Variants in TRAM2 observed in about 807,000 individuals in gnomAD.
TRAM2 encodes translocating chain-associated membrane protein 2.
TRAM2 carries 12 observed loss-of-function variants against 51.0 expected under a neutral mutation model. That is an observed-to-expected ratio of 0.24 (90% confidence interval 0.15 to 0.38). The LOEUF is 0.38. TRAM2 is among the 10% of genes least tolerant of loss of function. The pLI is 1.00. For synonymous variants in TRAM2, 175 were observed against 179.4 expected (o/e 0.98, Z 0.20); for missense variants, 361 against 462.0 (o/e 0.78, Z 2.00).
chr6:52,516,163 T>C (rs1346793362), intron 3 of TRAM2, 41 bp from the exon 4 acceptor site: 1 of 1,567,364 alleles, frequency 6.4e-7, no homozygotes, highest in Non-Finnish European at 8.8e-7. Context: ...TATACAAATG[T>C]ATCCATATTG....
intron 2 of TRAM2, among the ~76,000 whole-genome samples, chr6:52,526,373 G>T (rs1766782345): frequency 6.6e-6 from 1 of 152,156 alleles, no homozygotes; most frequent in South Asian, 2.1e-4. Flanking sequence ...GGGCTGAAGA[G>T]AAGTTGATAA....
At chr6:52,513,244 A>G (rs148407859) in intron 4 of TRAM2, among the ~76,000 whole-genome samples, 129 of 152,326 alleles carry the variant, frequency 8.5e-4, no homozygotes, top group Middle Eastern at 3.4e-3. Context: ...ACTTCTCTAT[A>G]TTGTTCACTT....
chr6:52,504,371 C>A (rs558627441), intron 10 of TRAM2, among the ~76,000 whole-genome samples: 10 of 152,184 alleles, frequency 6.6e-5, no homozygotes, highest in African/African-American at 2.4e-4. Flanking sequence ...GGGCTCCCAG[C>A]CTAGTTAGGG....
chr6:52,513,071 T>C (rs1016004276), intron 4 of TRAM2, among the ~76,000 whole-genome samples: 4 of 152,136 alleles, frequency 2.6e-5, no homozygotes, highest in African/African-American at 9.7e-5. Flanking sequence ...CAATGAGTAG[T>C]CGATCAAAGG....
intron 1 of TRAM2, among the ~76,000 whole-genome samples, chr6:52,571,072 C>T (rs573179665): frequency 2.0e-5 from 3 of 152,040 alleles, no homozygotes; most frequent in Non-Finnish European, 4.4e-5. Flanking sequence ...TACTGTTTCC[C>T]CCCCACCCCT....
intron 1 of TRAM2, among the ~76,000 whole-genome samples, chr6:52,557,011 T>C (rs375103968): frequency 6.6e-6 from 1 of 151,124 alleles, no homozygotes; most frequent in Non-Finnish European, 1.5e-5. Flanking sequence ...CTGGCCAACA[T>C]GGCAAAACCC....
At chr6:52,522,104 C>T (rs1468799721) in intron 2 of TRAM2, among the ~76,000 whole-genome samples, 1 of 152,260 alleles carries the variant, frequency 6.6e-6, no homozygotes, top group Non-Finnish European at 1.5e-5. Flanking sequence ...TTTCTTTAAA[C>T]ATATCACCCT....
chr6:52,567,975 G>A (rs2143830), intron 1 of TRAM2, among the ~76,000 whole-genome samples: 89,885 of 152,024 alleles, frequency 0.59, 27,305 homozygotes, highest in East Asian at 0.87. Context: ...TTTCTGACTC[G>A]CAATTTGAGT....
chr6:52,515,019 G>C (rs1328630021), intron 4 of TRAM2, among the ~76,000 whole-genome samples: 1 of 152,170 alleles, frequency 6.6e-6, no homozygotes, highest in Non-Finnish European at 1.5e-5. Context: ...TAAAAACAAT[G>C]TACAAAAGGA....
chr6:52,548,657 C>A (rs1767252371), intron 1 of TRAM2, among the ~76,000 whole-genome samples: 1 of 152,230 alleles, frequency 6.6e-6, no homozygotes, highest in Admixed American at 6.5e-5. Context: ...GGACTAGAAT[C>A]CAAGATCCAT....
chr6:52,533,092 G>C (rs545618107), intron 2 of TRAM2, among the ~76,000 whole-genome samples: 3 of 151,300 alleles, frequency 2.0e-5, no homozygotes, highest in African/African-American at 7.3e-5. Context: ...TTGGGGGCTA[G>C]AGGGGGTGGG....
chr6:52,546,093 A>G (rs1429074205), intron 1 of TRAM2, among the ~76,000 whole-genome samples: 3 of 152,166 alleles, frequency 2.0e-5, no homozygotes, highest in Non-Finnish European at 2.9e-5. Flanking sequence ...ACCCCAGGGA[A>G]AACTTCACCA....
rs186249318 is a variant in TRAM2, at chr6:52,565,072, C to T, written c.120+11724G>A. On this transcript the variant is annotated intron_variant, in intron 1 of 10. Transcript: ENST00000182527. ...ACGAGGCCTGAGGGAGGTGCAGAGT[C>T]CAGGACAAAGGCTGATCAGATTGTG... Among the ~76,000 whole-genome samples, 29 of 152,174 alleles carry T rather than the reference C, an allele frequency of 1.9e-4. No homozygotes were observed. In the East Asian group the frequency reaches 5.6e-3, roughly 29 times the overall value.
At position 52,511,057 on chromosome 6, in the gene TRAM2, T is replaced by C. The variant is rs1344028080; in HGVS notation, c.412-1471A>G. ...GATTAGGATGACTTCATTTTAGAAA[T>C]GGGAAAATGAAAAAACAGATAGGAA... On this transcript the variant is annotated intron_variant, in intron 4 of 10. Coordinates refer to ENST00000182527, the MANE Select transcript of TRAM2 (RefSeq NM_012288.4). Among the ~76,000 whole-genome samples, 3 of 152,182 alleles carry C rather than the reference T, an allele frequency of 2.0e-5. No individual in the cohort carries two copies. The East Asian group carries it at 5.8e-4, about 29-fold the overall frequency.
intron 1 of TRAM2, among the ~76,000 whole-genome samples, chr6:52,540,586 A>G (rs770089625): frequency 6.6e-6 from 1 of 152,144 alleles, no homozygotes; most frequent in Non-Finnish European, 1.5e-5. Context: ...TGTGCCTTAA[A>G]AGGTCCTTTA....
intron 2 of TRAM2, among the ~76,000 whole-genome samples, chr6:52,527,510 C>CGGGGT (rs1190674580): frequency 2.8e-4 from 3 of 10,654 alleles, no homozygotes; most frequent in South Asian, 6.4e-3. Context: ...AGAAAGGGTG[C>CGGGGT]GGGGTGGGGT....
chr6:52,516,567 G>T, intron 3 of TRAM2, 61 bp downstream of exon 3: 2 of 1,405,096 alleles, frequency 1.4e-6, no homozygotes, highest in South Asian at 1.2e-5. Context: ...TCCAAGGCCA[G>T]GTCCTCCACC....
At chr6:52,566,281 T>C (rs1767589953) in intron 1 of TRAM2, among the ~76,000 whole-genome samples, 1 of 152,118 alleles carries the variant, frequency 6.6e-6, no homozygotes, top group South Asian at 2.1e-4. Context: ...TCCTGCTGCT[T>C]GCCTGTGTCA....
At position 52,503,192 on chromosome 6, in the gene TRAM2, T is replaced by C; in HGVS notation, c.*5A>G. 1 of 1,613,242 alleles carries C rather than the reference T, an allele frequency of 6.2e-7. No individual in the cohort carries two copies. Among genetic ancestry groups the C allele is most frequent in the Admixed American group, 1.7e-5 (1 of 59,980 alleles). On this transcript the variant is annotated 3_prime_UTR_variant, in exon 11 of 11. Coordinates refer to ENST00000182527, the MANE Select transcript of TRAM2 (RefSeq NM_012288.4). ...AAGAGGATTCCTGTTCTTAGCACTT[T>C]GGCCTTAGGGAGACTTGAGTTTCTT...
Sources: allele counts gnomAD v4.1 joint callset (sites outside exome capture counted in the v4.1 genomes callset), GRCh38; gene constraint gnomAD v4.1.1; transcripts MANE v1.5; gene names NCBI Gene and HGNC (gene_info 2026-07-23, HGNC 2026-07-21).